Variants in POLR3H observed in about 807,000 individuals in gnomAD.
The protein encoded by POLR3H is DNA-directed RNA polymerase III subunit RPC8.
Under a neutral mutation model 25.5 loss-of-function variants are expected in POLR3H, and 17 were observed. The ratio of observed to expected loss-of-function variants is 0.67; its 90% CI spans 0.46 to 1.00. The LOEUF (loss-of-function observed/expected upper bound fraction) is 1.00, where lower values mean the gene tolerates loss of function less well. Ranked by LOEUF, POLR3H falls within the 50% of genes least tolerant of loss-of-function variation. The pLI, the probability that POLR3H is intolerant of heterozygous loss-of-function variation, is 0.00. For missense variants in POLR3H, 274 were observed against 265.0 expected, an observed-to-expected ratio of 1.03 and a Z score of -0.24; for synonymous variants, 129 against 103.0, an observed-to-expected ratio of 1.25 and a Z score of -1.53.
At chr22:41,531,098 A>G (rs2066722877) in intron 4 of POLR3H, among the ~76,000 whole-genome samples, 1 of 152,244 alleles carries the variant, frequency 6.6e-6, no homozygotes, top group Non-Finnish European at 1.5e-5. Flanking sequence ...AGGAAGGGGA[A>G]CATGGGGTCC....
chr22:41,527,462 T>G lies in POLR3H; in HGVS notation c.*1821A>C. 6.4e-7 allele frequency: 1 copy of G among 1,572,870 alleles called. No individual in the cohort carries two copies. The highest frequency in any genetic ancestry group is 8.6e-7 in the Non-Finnish European group (1 of 1,160,102). On this transcript the variant is annotated 3_prime_UTR_variant, in exon 6 of 6. Transcript: ENST00000355209. ...ACCCAGGCCATCCTCATCCCATCCC[T>G]AGTGATCAAGGTCACTCTCCCTGCC...
At position 41,528,399 on chromosome 22, in the gene POLR3H, C is replaced by A. The variant is rs1162847160; in HGVS notation, c.*884G>T. The A allele has an allele frequency of 6.4e-6, 10 of 1,557,656 alleles. No individual in the cohort carries two copies. The highest frequency in any genetic ancestry group is 8.7e-6 in the Non-Finnish European group (10 of 1,151,876). On this transcript the variant is annotated 3_prime_UTR_variant, in exon 6 of 6. Coordinates refer to ENST00000355209, the MANE Select transcript of POLR3H (RefSeq NM_001018050.4). Reference sequence around the variant, plus strand: ...TGACCTCTTAGGTCCCCAGGCAGTGCCCTGTCTCCCTGACCCCCCTGCGGG... The same window carrying A: ...TGACCTCTTAGGTCCCCAGGCAGTGACCTGTCTCCCTGACCCCCCTGCGGG...
intron 2 of POLR3H, chr22:41,540,369 G>A (rs1365255781): frequency 1.3e-5 from 5 of 384,782 alleles, no homozygotes; most frequent in African/African-American, 2.1e-5. Context: ...AGGGAACAGA[G>A]GCCCAGAGAA....
intron 2 of POLR3H, among the ~76,000 whole-genome samples, chr22:41,536,490 A>C (rs1344002321): frequency 6.6e-6 from 1 of 152,064 alleles, no homozygotes; most frequent in Non-Finnish European, 1.5e-5. Context: ...AAAATGTTTA[A>C]ATTGGTAAAT....
chr22:41,540,439 C>A (rs1315115364), intron 2 of POLR3H: 2 of 482,442 alleles, frequency 4.1e-6, no homozygotes, highest in East Asian at 4.2e-5. Context: ...GGCCCCACGT[C>A]TCCCAGCCTC....
At chr22:41,535,618 G>C (rs2066829011) in intron 2 of POLR3H, among the ~76,000 whole-genome samples, 1 of 152,102 alleles carries the variant, frequency 6.6e-6, no homozygotes. Context: ...CTTGAAGCCA[G>C]GAGTTTGAGA....
Position 41,530,710 on chromosome 22 carries a change from T to C in POLR3H, c.538A>G (p.Lys180Glu), listed in dbSNP as rs775679226. ...ATTSSEELPK[K>E]EAPYTLVGSI... is the part of the protein sequence containing the mutation. ...ACCACAAGCGTGTACGGAGCCTCCTTCTTTGGCAGCTCCTCACTGGAAGTG... is the reference window on the plus strand; with the variant it reads ...ACCACAAGCGTGTACGGAGCCTCCTCCTTTGGCAGCTCCTCACTGGAAGTG... The change falls in exon 5 of 6, where the codon AAG becomes GAG. Residue 180 changes from lysine (K) to glutamate (E), a missense_variant. Physicochemically the swap from Lys to Glu is moderately conservative, Grantham distance 56. Transcript: ENST00000355209. 67 of 1,613,262 alleles carry C rather than the reference T, an allele frequency of 4.2e-5. No homozygotes were observed. The highest frequency in any genetic ancestry group is 2.7e-4 in the Admixed American group (16 of 59,986).
At chr22:41,532,501 A>G in intron 3 of POLR3H, 158 bp downstream of exon 3, 1 of 1,356,520 alleles carries the variant, frequency 7.4e-7, no homozygotes, top group Non-Finnish European at 1.0e-6. Flanking sequence ...GGAGGTCCTC[A>G]CACAACACAT....
intron 2 of POLR3H, among the ~76,000 whole-genome samples, chr22:41,538,121 A>G (rs1601960552): frequency 6.8e-6 from 1 of 147,976 alleles, no homozygotes; most frequent in Non-Finnish European, 1.5e-5. Context: ...ATGTGCCACC[A>G]CACCCAAATA....
In POLR3H at chr22:41,528,383, A is replaced by G. The variant is rs749811403; in HGVS notation, c.*900T>C. Reference sequence around the variant, plus strand: ...GATTTGGTTTGCCTGCTGACCTCTTAGGTCCCCAGGCAGTGCCCTGTCTCC... The same window carrying G: ...GATTTGGTTTGCCTGCTGACCTCTTGGGTCCCCAGGCAGTGCCCTGTCTCC... On this transcript the variant is annotated 3_prime_UTR_variant, in exon 6 of 6. Transcript: ENST00000355209. 38 of 1,522,256 alleles carry G rather than the reference A, an allele frequency of 2.5e-5. No homozygotes were observed. The highest frequency in any genetic ancestry group is 3.4e-5 in the Non-Finnish European group (38 of 1,132,278). The allele number at this position is 1,522,256 out of a possible 1,614,324, so 94.3% of individuals were successfully genotyped here.
chr22:41,528,358 GATTTGGTT>G lies in POLR3H; in HGVS notation c.*917_*924del. Reference sequence around the variant, plus strand: ...GGCCATCAGGCACAGACTGGCCTAGGATTTGGTTTGCCTGCTGACCTCTTAGGTCCCCA... The same window carrying G: ...GGCCATCAGGCACAGACTGGCCTAGGTGCCTGCTGACCTCTTAGGTCCCCA... On this transcript the variant is annotated 3_prime_UTR_variant, in exon 6 of 6. Transcript: ENST00000355209. 2 of 1,402,620 alleles carry G rather than the reference GATTTGGTT, an allele frequency of 1.4e-6. No homozygotes were observed. Among genetic ancestry groups the G allele is most frequent in the Non-Finnish European group, 1.9e-6 (2 of 1,043,520 alleles). 86.9% of individuals were successfully genotyped at this position (1,402,620 alleles called of 1,614,324 possible).
Position 41,528,223 on chromosome 22 carries a change from C to G in POLR3H, c.*1060G>C. The G allele has an allele frequency of 7.0e-6, 6 of 859,068 alleles. No homozygotes were observed. Among genetic ancestry groups the G allele is most frequent in the Non-Finnish European group, 1.1e-5 (6 of 570,840 alleles). 53.2% of individuals were successfully genotyped at this position (859,068 alleles called of 1,614,324 possible). A position where few individuals can be genotyped will look rare whatever the true frequency, so the allele number is the denominator to read the frequency against. On this transcript the variant is annotated 3_prime_UTR_variant, in exon 6 of 6. Transcript: ENST00000355209. ...GAGTCAACCCGGGGCCCTCACACCT[C>G]CCCAACCTCCCTTTACTCACCAGGA... is the stretch of plus-strand genomic sequence containing the variant.
At chr22:41,531,997 A>T (rs1177164271) in intron 4 of POLR3H, 97 bp downstream of exon 4, 6 of 1,049,780 alleles carry the variant, frequency 5.7e-6, no homozygotes, top group Non-Finnish European at 8.9e-6. Context: ...CAGTGACATC[A>T]GGTTACAGGC....
At position 41,527,622 on chromosome 22, in the gene POLR3H, G is replaced by T; in HGVS notation, c.*1661C>A. 1.2e-6 allele frequency: 1 copy of T among 844,390 alleles called. No individual in the cohort carries two copies. Among genetic ancestry groups the T allele is most frequent in the Non-Finnish European group, 1.8e-6 (1 of 559,150 alleles). The allele number at this position is 844,390 out of a possible 1,614,324, so 52.3% of individuals were successfully genotyped here. On this transcript the variant is annotated 3_prime_UTR_variant, in exon 6 of 6. Transcript: ENST00000355209. ...CGGCTTCCCGCAGGCCCTGCTTCCAGGCTTGTAGATCTGAGCCGCTGAGAT... is the reference window on the plus strand; with the variant it reads ...CGGCTTCCCGCAGGCCCTGCTTCCATGCTTGTAGATCTGAGCCGCTGAGAT...
chr22:41,541,137 A>G lies in POLR3H; in HGVS notation c.112-342T>C, dbSNP rs9607811. ...CTGCAGAGTTATAAAATAAAGAGAGATAACAGATGTGAAGCCCCTAGCCTT... is the reference window on the plus strand; with the variant it reads ...CTGCAGAGTTATAAAATAAAGAGAGGTAACAGATGTGAAGCCCCTAGCCTT... On this transcript the variant is annotated intron_variant, in intron 1 of 5. Coordinates refer to ENST00000355209, the MANE Select transcript of POLR3H (RefSeq NM_001018050.4). Among the ~76,000 whole-genome samples, 1,420 of 152,308 alleles carry G rather than the reference A, an allele frequency of 9.3e-3. 6 individuals carry two copies. Among genetic ancestry groups the G allele is most frequent in the Non-Finnish European group, 0.015 (996 of 68,020 alleles).
At chr22:41,533,975 C>T (rs2066796293) in intron 2 of POLR3H, among the ~76,000 whole-genome samples, 1 of 152,048 alleles carries the variant, frequency 6.6e-6, no homozygotes. Flanking sequence ...ACCGTCTCTA[C>T]CAAAATACAA....
chr22:41,529,382 G>T, intron 5 of POLR3H, 46 bp from the exon 6 acceptor site: 1 of 1,580,192 alleles, frequency 6.3e-7, no homozygotes, highest in East Asian at 2.2e-5. Flanking sequence ...ATGCTGGCTT[G>T]AACCAACCTG....
intron 2 of POLR3H, among the ~76,000 whole-genome samples, chr22:41,536,196 T>C (rs2066842213): frequency 6.6e-6 from 1 of 150,946 alleles, no homozygotes; most frequent in African/African-American, 2.4e-5. Context: ...ATCGAGACCA[T>C]CCTGGCTAAC....
At chr22:41,543,704 C>T in intron 1 of POLR3H, 2 of 558,790 alleles carry the variant, frequency 3.6e-6, no homozygotes, top group Non-Finnish European at 6.9e-6. Context: ...ATATTTTATC[C>T]CCATTTTAAA....
Sources: allele counts gnomAD v4.1 joint callset (sites outside exome capture counted in the v4.1 genomes callset), GRCh38; gene constraint gnomAD v4.1.1; transcripts MANE v1.5; gene names NCBI Gene and HGNC (gene_info 2026-07-23, HGNC 2026-07-21).